The following RALYL variants were observed in gnomAD, a reference collection of about 807,000 sequenced individuals.
RALYL encodes RALY RNA binding protein like.
Under a neutral mutation model 35.1 loss-of-function variants are expected in RALYL, and 29 were observed. That is an observed-to-expected ratio of 0.83 (90% CI 0.61 to 1.13). The LOEUF is 1.13. Among genes scored for constraint, RALYL ranks in the 50% most tolerant of loss-of-function variants. RALYL has a pLI of 0.00. For synonymous variants in RALYL, 120 were observed against 127.6 expected (o/e 0.94, Z 0.40); for missense variants, 359 against 360.4 (o/e 1.00, Z 0.03).
chr8:84,768,152 G>A (rs192443245), intron 2 of RALYL, among the ~76,000 whole-genome samples: 1 of 152,228 alleles, frequency 6.6e-6, no homozygotes, highest in East Asian at 1.9e-4. Flanking sequence ...CTTACACAGT[G>A]CCAGGATAAT....
At chr8:84,587,556 G>C (rs1055863884) in intron 2 of RALYL, among the ~76,000 whole-genome samples, 1 of 152,134 alleles carries the variant, frequency 6.6e-6, no homozygotes, top group Admixed American at 6.5e-5. Context: ...CCCCAGATAA[G>C]AGTTATTCTA....
intron 2 of RALYL, chr8:84,679,058 TC>T: frequency 9.4e-6 from 3 of 320,554 alleles, no homozygotes; most frequent in South Asian, 3.0e-5. Context: ...AAGCAAATGC[TC>T]CAGGGTGAAC....
chr8:84,545,946 C>T (rs2060325640), intron 2 of RALYL, among the ~76,000 whole-genome samples: 1 of 152,080 alleles, frequency 6.6e-6, no homozygotes, highest in East Asian at 1.9e-4. Flanking sequence ...TCCAAAAGGA[C>T]TTTGGTATTA....
chr8:84,433,154 G>T (rs1179263850), intron 1 of RALYL, among the ~76,000 whole-genome samples: 1 of 152,124 alleles, frequency 6.6e-6, no homozygotes. Context: ...ATTTGCTAAA[G>T]TTAAAAATCT....
intron 2 of RALYL, among the ~76,000 whole-genome samples, chr8:84,694,494 T>A (rs1838736381): frequency 6.6e-6 from 1 of 151,876 alleles, no homozygotes; most frequent in African/African-American, 2.4e-5. Context: ...CCTGTGTTTA[T>A]GGATTAAAAG....
At chr8:84,227,076 T>TTTTC (rs34657577) in intron 1 of RALYL, among the ~76,000 whole-genome samples, 6 of 147,394 alleles carry the variant, frequency 4.1e-5, no homozygotes, top group Non-Finnish European at 9.0e-5. Flanking sequence ...TTTTTTTTTT[T>TTTTC]TTGAGGCAGA....
At position 84,546,538 on chromosome 8, in the gene RALYL, A is replaced by G. The variant is rs147911085; in HGVS notation, c.256+16961A>G. Among the ~76,000 whole-genome samples, 50 of 152,358 alleles carry G rather than the reference A, an allele frequency of 3.3e-4. 1 individual carries two copies. The East Asian group carries it at 9.6e-3, about 29-fold the overall frequency. ...CACAACTCTACCAATGAGATAGATG[A>G]CTGTGAATTAATGAATTTCTTAATA... On this transcript the variant is annotated intron_variant, in intron 2 of 8. Coordinates refer to ENST00000521268, the MANE Select transcript of RALYL (RefSeq NM_173848.7).
At chr8:84,473,459 T>C (rs1374515065) in intron 1 of RALYL, among the ~76,000 whole-genome samples, 1 of 151,904 alleles carries the variant, frequency 6.6e-6, no homozygotes, top group Non-Finnish European at 1.5e-5. Flanking sequence ...TAATTAGCAA[T>C]ATTTGATATA....
At chr8:84,734,479 T>C (rs1298626927) in intron 2 of RALYL, among the ~76,000 whole-genome samples, 2 of 152,140 alleles carry the variant, frequency 1.3e-5, no homozygotes, top group African/African-American at 2.4e-5. Context: ...ATAAAGGAGT[T>C]GTATTTTGGG....
intron 2 of RALYL, among the ~76,000 whole-genome samples, chr8:84,770,423 C>CAT (rs1815159143): frequency 2.1e-5 from 2 of 95,082 alleles, no homozygotes; most frequent in Non-Finnish European, 5.0e-5. Flanking sequence ...TATATACACA[C>CAT]CATAATTTCT....
In RALYL at chr8:84,722,993, T is replaced by C. The variant is rs1282357251; in HGVS notation, c.257-51586T>C. On this transcript the variant is annotated intron_variant, in intron 2 of 8. Transcript: ENST00000521268. ...AAATATCTACAATTTCAAAAAAAGC[T>C]TGCTTCACTGAAGTATATGAAGGTA... Among the ~76,000 whole-genome samples, 3 of 151,960 alleles carry C rather than the reference T, an allele frequency of 2.0e-5. No individual in the cohort carries two copies. In the East Asian group the frequency reaches 5.8e-4, roughly 29 times the overall value.
At chr8:84,466,470 G>A (rs2051664829) in intron 1 of RALYL, among the ~76,000 whole-genome samples, 1 of 150,852 alleles carries the variant, frequency 6.6e-6, no homozygotes, top group South Asian at 2.1e-4. Context: ...TATTGAACCA[G>A]CCTTGCATCC....
At chr8:84,663,354 T>C (rs117510672) in intron 2 of RALYL, among the ~76,000 whole-genome samples, 3,503 of 152,264 alleles carry the variant, frequency 0.023, 60 homozygotes, top group Non-Finnish European at 0.033. Flanking sequence ...TACCCAGTAA[T>C]GAGATTGCTG....
At chr8:84,423,802 C>T (rs544269724) in intron 1 of RALYL, among the ~76,000 whole-genome samples, 138 of 151,426 alleles carry the variant, frequency 9.1e-4, no homozygotes, top group African/African-American at 3.0e-3. Flanking sequence ...TTCTCCTTCA[C>T]TTATGAAGCT....
chr8:84,419,624 C>A (rs1177602300), intron 1 of RALYL, among the ~76,000 whole-genome samples: 3 of 150,984 alleles, frequency 2.0e-5, no homozygotes, highest in Non-Finnish European at 4.4e-5. Flanking sequence ...TATACATGTG[C>A]CATGCTGGTG....
chr8:84,298,404 TG>T (rs1586055100), intron 1 of RALYL, among the ~76,000 whole-genome samples: 1 of 151,850 alleles, frequency 6.6e-6, no homozygotes, highest in East Asian at 1.9e-4. Context: ...TGTTTGTATT[TG>T]TGCCATTGTC....
intron 2 of RALYL, among the ~76,000 whole-genome samples, chr8:84,587,791 A>G (rs1812329413): frequency 6.6e-6 from 1 of 152,228 alleles, no homozygotes; most frequent in Non-Finnish European, 1.5e-5. Flanking sequence ...TGAGAGCATC[A>G]GATTATGAGT....
intron 1 of RALYL, among the ~76,000 whole-genome samples, chr8:84,443,150 C>A (rs922617197): frequency 3.9e-5 from 6 of 152,040 alleles, no homozygotes. Flanking sequence ...AGTGTTATTG[C>A]CTACTTTACA....
intron 1 of RALYL, among the ~76,000 whole-genome samples, chr8:84,490,587 G>A (rs955021872): frequency 6.6e-6 from 1 of 151,914 alleles, no homozygotes; most frequent in Non-Finnish European, 1.5e-5. Context: ...AAGGAAAGAA[G>A]GAAGGCAGGG....
Sources: gnomAD v4.1 joint callset for allele counts (sites outside exome capture counted in the v4.1 genomes callset) on GRCh38, gnomAD v4.1.1 for gene constraint, MANE v1.5 for transcripts, NCBI Gene and HGNC (gene_info 2026-07-23, HGNC 2026-07-21) for gene names.